The following CPEB3 variants were observed in gnomAD, a reference collection of about 807,000 sequenced individuals.
CPEB3 encodes the protein cytoplasmic polyadenylation element-binding protein 3.
Under a neutral mutation model 67.2 loss-of-function variants are expected in CPEB3, and 20 were observed. That is an observed-to-expected ratio of 0.30 (90% CI 0.21 to 0.43). CPEB3 has a LOEUF of 0.43. Among genes scored for constraint, CPEB3 ranks in the 20% least tolerant of loss-of-function variants. The probability of loss-of-function intolerance (pLI) is 1.00; values close to 1 mark genes in which losing one functional copy is unlikely to be tolerated. For synonymous variants in CPEB3, 376 were observed against 393.1 expected (o/e 0.96, Z 0.51); for missense variants, 746 against 968.6 (o/e 0.77, Z 3.05).
chr10:92,281,912 T>C (rs1010194028), intron 1 of CPEB3, among the ~76,000 whole-genome samples: 7 of 152,132 alleles, frequency 4.6e-5, no homozygotes, highest in African/African-American at 1.7e-4. Flanking sequence ...AAAATGCAAA[T>C]AATGTTTTAC....
intron 6 of CPEB3, among the ~76,000 whole-genome samples, chr10:92,130,573 T>C (rs1481937984): frequency 6.6e-6 from 1 of 152,036 alleles, no homozygotes; most frequent in Non-Finnish European, 1.5e-5. Flanking sequence ...GAAGTCTGCA[T>C]GGCCTCCCAC....
At chr10:92,099,904 A>G (rs1049798996) in intron 7 of CPEB3, among the ~76,000 whole-genome samples, 1 of 151,402 alleles carries the variant, frequency 6.6e-6, no homozygotes, top group Non-Finnish European at 1.5e-5. Context: ...GCTCATGCCT[A>G]TATAATCTCA....
At chr10:92,085,057 T>C (rs1235718591) in intron 8 of CPEB3, among the ~76,000 whole-genome samples, 1 of 152,144 alleles carries the variant, frequency 6.6e-6, no homozygotes, top group Non-Finnish European at 1.5e-5. Context: ...GAATTTCTAG[T>C]CCTCATTTGA....
intron 6 of CPEB3, among the ~76,000 whole-genome samples, chr10:92,133,975 T>C (rs533045801): frequency 1.3e-5 from 2 of 152,340 alleles, no homozygotes; most frequent in South Asian, 4.1e-4. Context: ...CAGCCCTTCA[T>C]GCTAAAAACT....
chr10:92,183,810 G>C (rs969480088), intron 3 of CPEB3, among the ~76,000 whole-genome samples: 2 of 151,944 alleles, frequency 1.3e-5, no homozygotes, highest in African/African-American at 2.4e-5. Context: ...AATAATAAAG[G>C]GTTATCAAGG....
chr10:92,225,539 A>T (rs1850929973), intron 2 of CPEB3, among the ~76,000 whole-genome samples: 4 of 152,032 alleles, frequency 2.6e-5, no homozygotes, highest in Non-Finnish European at 5.9e-5. Context: ...ACAACAAAAC[A>T]ATCTATCTAA....
At chr10:92,073,608 T>TA (rs1223444874) in intron 9 of CPEB3, among the ~76,000 whole-genome samples, 1 of 151,190 alleles carries the variant, frequency 6.6e-6, no homozygotes, top group African/African-American at 2.4e-5. Flanking sequence ...CTGGCTAATT[T>TA]AAAAAAAAAA....
Position 92,240,246 on chromosome 10 carries a change from G to A in CPEB3, c.105C>T (p.Ala35=). 6.6e-7 allele frequency: 1 copy of A among 1,512,748 alleles called. No homozygotes were observed. The highest frequency in any genetic ancestry group is 2.2e-5 in the Admixed American group (1 of 44,742). 93.7% of individuals were successfully genotyped at this position (1,512,748 alleles called of 1,614,324 possible). ...QPQPESSVSE[A]PSTPLSSETP... The stretch of plus-strand genomic sequence containing the variant: ...TCTCTGAGGAGAGGGGCGTGGACGG[G>A]GCTTCGGATACGCTGGACTCAGGTT... The change falls in exon 2 of 10, where the codon GCC becomes GCT. Residue 35 remains alanine, a synonymous_variant. Transcript: ENST00000265997.
chr10:92,133,552 C>G (rs1398539456), intron 6 of CPEB3, among the ~76,000 whole-genome samples: 2 of 152,100 alleles, frequency 1.3e-5, no homozygotes, highest in Non-Finnish European at 2.9e-5. Context: ...AAGTCCAGGA[C>G]CAGATGGATT....
At chr10:92,243,456 G>A (rs1050784952) in intron 1 of CPEB3, among the ~76,000 whole-genome samples, 1 of 152,130 alleles carries the variant, frequency 6.6e-6, no homozygotes, top group Non-Finnish European at 1.5e-5. Flanking sequence ...TAAATCACGA[G>A]TTGTTGAAAT....
At chr10:92,103,365 C>T (rs1396578176) in intron 7 of CPEB3, among the ~76,000 whole-genome samples, 1 of 152,202 alleles carries the variant, frequency 6.6e-6, no homozygotes, top group African/African-American at 2.4e-5. Context: ...CTGTGCTAGG[C>T]ATTTTACAGT....
At chr10:92,288,239 C>T (rs1477955451) in intron 1 of CPEB3, among the ~76,000 whole-genome samples, 1 of 152,036 alleles carries the variant, frequency 6.6e-6, no homozygotes, top group Non-Finnish European at 1.5e-5. Context: ...GTGGGAGGAT[C>T]ATTTGTGCTC....
intron 2 of CPEB3, among the ~76,000 whole-genome samples, chr10:92,203,337 GATATATATAT>G: frequency 7.1e-6 from 1 of 141,198 alleles, no homozygotes; most frequent in East Asian, 2.0e-4. Context: ...CATAAGAGAT[GATATATATAT>G]ATATATATGT....
At chr10:92,273,622 C>T (rs948533047) in intron 1 of CPEB3, among the ~76,000 whole-genome samples, 4 of 152,126 alleles carry the variant, frequency 2.6e-5, no homozygotes, top group Non-Finnish European at 5.9e-5. Flanking sequence ...ATTTAAAACC[C>T]AGATGTCATA....
At chr10:92,128,293 C>T (rs1845691660) in intron 6 of CPEB3, among the ~76,000 whole-genome samples, 1 of 152,130 alleles carries the variant, frequency 6.6e-6, no homozygotes. Flanking sequence ...GCCACACATA[C>T]AGTATAGTAA....
intron 9 of CPEB3, among the ~76,000 whole-genome samples, chr10:92,068,247 T>C (rs1226118335): frequency 6.6e-6 from 1 of 152,212 alleles, no homozygotes; most frequent in Non-Finnish European, 1.5e-5. Context: ...CAGTCTGGTT[T>C]CCTGCTATGC....
chr10:92,137,853 T>G (rs929428992), intron 6 of CPEB3: 1 of 173,950 alleles, frequency 5.7e-6, no homozygotes, highest in Non-Finnish European at 1.2e-5. Flanking sequence ...AAAAAGAAAT[T>G]AGCCGGGCAT....
intron 4 of CPEB3, among the ~76,000 whole-genome samples, chr10:92,148,196 A>C (rs1221127988): frequency 6.6e-6 from 1 of 152,156 alleles, no homozygotes; most frequent in Non-Finnish European, 1.5e-5. Context: ...CATAACTGTG[A>C]ACTGCAAGGC....
At chr10:92,078,972 T>C (rs1405984037) in intron 9 of CPEB3, among the ~76,000 whole-genome samples, 6 of 152,240 alleles carry the variant, frequency 3.9e-5, no homozygotes, top group Admixed American at 3.9e-4. Flanking sequence ...AAAGGGAAGG[T>C]AGAAACATGG....
Sources: gnomAD v4.1 joint callset for allele counts (sites outside exome capture counted in the v4.1 genomes callset) on GRCh38, gnomAD v4.1.1 for gene constraint, MANE v1.5 for transcripts, NCBI Gene and HGNC (gene_info 2026-07-23, HGNC 2026-07-21) for gene names.